VAC14: variants seen among roughly 807,000 people sequenced by gnomAD.
The protein encoded by VAC14 is VAC14 component of PIKFYVE complex, also known as protein VAC14 homolog.
A neutral mutation model predicts 85.3 loss-of-function variants in VAC14; 47 were observed. The observed-to-expected ratio is 0.55, with a 90% CI of 0.44 to 0.70. The LOEUF is 0.70. Among genes scored for constraint, VAC14 ranks in the 30% least tolerant of loss-of-function variants. VAC14 has a pLI of 0.00. For missense variants in VAC14, 861 were observed against 1,004.3 expected, an observed-to-expected ratio of 0.86 and a Z score of 1.93; for synonymous variants, 447 against 430.5, an observed-to-expected ratio of 1.04 and a Z score of -0.47.
Position 70,772,122 on chromosome 16 carries a change from A to G in VAC14, c.1147T>C (p.Phe383Leu). The change falls in exon 10 of 19, where the codon TTC becomes CTC. Residue 383 changes from phenylalanine (F) to leucine (L), a missense_variant. By Grantham distance (22) the Phe-to-Leu change is conservative. This residue lies in a region of VAC14 where 629 missense variants were observed against 703.1 expected (regional missense o/e 0.89). Coordinates refer to ENST00000261776, the MANE Select transcript of VAC14 (RefSeq NM_018052.5). ...DSSFSSGISV[F>L]TAASTERAPV... is the part of the protein sequence containing the mutation. ...CAAGCCACTTACCTGGCTGCAGTGA[A>G]GACACTGATGCCGCTACTGAAGCTG... is the stretch of plus-strand genomic sequence containing the variant. The G allele has an allele frequency of 6.2e-7, 1 of 1,614,102 alleles. No homozygotes were observed.
intron 10 of VAC14, chr16:70,768,802 A>AT (rs774404523): frequency 6.6e-6 from 3 of 453,526 alleles, no homozygotes; most frequent in Admixed American, 4.7e-5. Flanking sequence ...GTGGATGTGC[A>AT]TTTTTTTGGT....
intron 18 of VAC14, chr16:70,688,649 C>G (rs1159452999): frequency 1.0e-6 from 1 of 985,506 alleles, no homozygotes; most frequent in African/African-American, 1.7e-5. Flanking sequence ...GGTCTCACCA[C>G]TGGACATGCC....
chr16:70,739,886 C>T (rs1327109239), intron 13 of VAC14, among the ~76,000 whole-genome samples: 2 of 152,220 alleles, frequency 1.3e-5, no homozygotes. Flanking sequence ...AGGTCATTAT[C>T]ACCCATTTTT....
chr16:70,709,779 T>C (rs1443384290), intron 14 of VAC14, among the ~76,000 whole-genome samples: 1 of 152,150 alleles, frequency 6.6e-6, no homozygotes, highest in Non-Finnish European at 1.5e-5. Flanking sequence ...GATTTTAATA[T>C]AAAGATTCCT....
chr16:70,763,027 TGTGG>T lies in VAC14; in HGVS notation c.1161-6_1161-3del, dbSNP rs749408446. 2 of 1,614,186 alleles carry T rather than the reference TGTGG, an allele frequency of 1.2e-6. No homozygotes were observed. Among genetic ancestry groups the T allele is most frequent in the Non-Finnish European group, 1.7e-6 (2 of 1,180,020 alleles). ...AGGGTCACTGGGGCTCTTTCAGTGC[TGTGG>T]GTAAGATCGGGAGGGAGAGCAGAGG... On this transcript the variant is annotated splice_region_variant and splice_polypyrimidine_tract_variant and intron_variant, in intron 10 of 18. Transcript: ENST00000261776.
At chr16:70,710,525 G>A (rs2054010801) in intron 14 of VAC14, among the ~76,000 whole-genome samples, 1 of 152,246 alleles carries the variant, frequency 6.6e-6, no homozygotes. Flanking sequence ...CCCCAACAAT[G>A]TCTGGCGACG....
chr16:70,752,438 C>T (rs759371666), intron 12 of VAC14, among the ~76,000 whole-genome samples: 2 of 152,236 alleles, frequency 1.3e-5, no homozygotes, highest in Admixed American at 6.5e-5. Context: ...TGATTCCAGC[C>T]ATTGCTCACT....
chr16:70,717,468 A>G (rs1184666620), intron 14 of VAC14, among the ~76,000 whole-genome samples: 2 of 152,004 alleles, frequency 1.3e-5, no homozygotes, highest in Non-Finnish European at 2.9e-5. Flanking sequence ...TATAGAATGT[A>G]TTTTCCGGAT....
In VAC14 at chr16:70,784,843, A is replaced by C; in HGVS notation, c.424-5T>G. ...GGGGTCTGGGTCGGCTGCCAGCTGC[A>C]AGAGGCACAGACAGGGGAGGGACAC... is the stretch of plus-strand genomic sequence containing the variant. On this transcript the variant is annotated splice_region_variant and splice_polypyrimidine_tract_variant and intron_variant, in intron 3 of 18. Coordinates refer to ENST00000261776, the MANE Select transcript of VAC14 (RefSeq NM_018052.5). 6.2e-7 allele frequency: 1 copy of C among 1,614,012 alleles called. No homozygotes were observed. Among genetic ancestry groups the C allele is most frequent in the Non-Finnish European group, 8.5e-7 (1 of 1,179,958 alleles).
At chr16:70,781,745 G>A (rs1382074225) in intron 8 of VAC14, 124 bp downstream of exon 8, 1 of 1,334,828 alleles carries the variant, frequency 7.5e-7, no homozygotes, top group East Asian at 2.5e-5. Flanking sequence ...TTTTTCCCGA[G>A]CTGCTAGGGA....
chr16:70,738,680 C>T (rs563811160), intron 13 of VAC14, among the ~76,000 whole-genome samples: 9 of 152,286 alleles, frequency 5.9e-5, no homozygotes, highest in East Asian at 1.9e-4. Flanking sequence ...GCAGCAGTGC[C>T]GGGGGCCTCA....
At chr16:70,710,020 C>T (rs565340880) in intron 14 of VAC14, among the ~76,000 whole-genome samples, 6 of 152,210 alleles carry the variant, frequency 3.9e-5, no homozygotes, top group African/African-American at 9.7e-5. Context: ...CAGCTGCCCC[C>T]GTGGAGGCCA....
chr16:70,787,580 G>A (rs576991613), intron 1 of VAC14, among the ~76,000 whole-genome samples: 2 of 152,340 alleles, frequency 1.3e-5, no homozygotes, highest in South Asian at 2.1e-4. Context: ...CCAGGCCTCT[G>A]CCCTCCCAAA....
Position 70,762,390 on chromosome 16 carries a change from G to A in VAC14, c.1371+150C>T, listed in dbSNP as rs960317944. ...CCCAGAGTGCTGGAAAAACAGGTGT[G>A]AGCCACTGCACCTGGCCCCAAAGTG... is the stretch of plus-strand genomic sequence containing the variant. On this transcript the variant is annotated intron_variant, in intron 12 of 18. Coordinates refer to ENST00000261776, the MANE Select transcript of VAC14 (RefSeq NM_018052.5). The surrounding 1 kb of genome is among the most constrained non-coding windows in gnomAD (Gnocchi z 4.1). 1 of 799,456 alleles carries A rather than the reference G, an allele frequency of 1.3e-6. No individual in the cohort carries two copies. The highest frequency in any genetic ancestry group is 2.1e-6 in the Non-Finnish European group (1 of 486,336). The allele number at this position is 799,456 out of a possible 1,614,324, so 49.5% of individuals were successfully genotyped here.
chr16:70,756,081 G>T (rs945996935), intron 12 of VAC14: 3 of 456,724 alleles, frequency 6.6e-6, no homozygotes, highest in African/African-American at 6.0e-5. Flanking sequence ...TGCTTGGGAA[G>T]GATAAGGTAA....
At chr16:70,790,624 C>A (rs573337710) in intron 1 of VAC14, among the ~76,000 whole-genome samples, 1 of 152,236 alleles carries the variant, frequency 6.6e-6, no homozygotes, top group Admixed American at 6.5e-5. Flanking sequence ...AGTAACAGGG[C>A]CTCCTGAGGG....
At chr16:70,757,303 A>C (rs1418290435) in intron 12 of VAC14, among the ~76,000 whole-genome samples, 2 of 152,084 alleles carry the variant, frequency 1.3e-5, no homozygotes, top group Non-Finnish European at 2.9e-5. Context: ...TGACGACGCC[A>C]TTTCTCTTCC....
At chr16:70,753,799 C>T (rs200656099) in intron 12 of VAC14, among the ~76,000 whole-genome samples, 6 of 152,166 alleles carry the variant, frequency 3.9e-5, no homozygotes, top group African/African-American at 9.7e-5. Flanking sequence ...TGGCTTGAGC[C>T]GGGGCTGGAT....
In VAC14 at chr16:70,733,427, G is replaced by A. The variant is rs1258579195; in HGVS notation, c.1529-1800C>T. On this transcript the variant is annotated intron_variant, in intron 13 of 18. Coordinates refer to ENST00000261776, the MANE Select transcript of VAC14 (RefSeq NM_018052.5). ...CCCATTCTGTTGATTTTTTTTTTTT[G>A]AGACAGGGTGATACTATAGTTTGAT... Among the ~76,000 whole-genome samples, 2 of 143,412 alleles carry A rather than the reference G, an allele frequency of 1.4e-5. 1 individual carries two copies. Among genetic ancestry groups the A allele is most frequent in the Non-Finnish European group, 3.0e-5 (2 of 65,732 alleles). The allele number at this position is 143,412 out of a possible 152,430, so 94.1% of individuals were successfully genotyped here. A position where few individuals can be genotyped will look rare whatever the true frequency, so the allele number is the denominator to read the frequency against.
Sources: gnomAD v4.1 joint callset for allele counts (sites outside exome capture counted in the v4.1 genomes callset) on GRCh38, gnomAD v4.1.1 for gene constraint, gnomAD v4.1.1 regional missense constraint, Gnocchi (gnomAD v3.1) non-coding constraint, MANE v1.5 for transcripts, NCBI Gene and HGNC (gene_info 2026-07-23, HGNC 2026-07-21) for gene names.